Variants in NFYC observed in about 807,000 individuals in gnomAD.
NFYC encodes nuclear transcription factor Y subunit gamma, also known as CAAT box DNA-binding protein subunit C.
NFYC carries 25 observed loss-of-function variants against 53.1 expected under a neutral mutation model. That is an observed-to-expected ratio of 0.47 (90% confidence interval 0.34 to 0.66). NFYC has a LOEUF of 0.66. Among genes scored for constraint, NFYC ranks in the 30% least tolerant of loss-of-function variants. The pLI, the probability that NFYC is intolerant of heterozygous loss-of-function variation, is 0.01. For missense variants in NFYC, 260 were observed against 422.7 expected, an observed-to-expected ratio of 0.62 and a Z score of 3.38; for synonymous variants, 145 against 152.6, an observed-to-expected ratio of 0.95 and a Z score of 0.37.
At position 40,756,826 on chromosome 1, in the gene NFYC, C is replaced by T. The variant is rs181351483; in HGVS notation, c.388-1295C>T. Among the ~76,000 whole-genome samples the T allele has an allele frequency of 1.4e-4, 21 of 152,310 alleles. No homozygotes were observed. The East Asian group carries it at 2.5e-3, about 18-fold the overall frequency. ...CACTTACTGAGTGCCTACCTGGGAA[C>T]GCGGGGGATAGCAGAGAGCAAGAGA... On this transcript the variant is annotated intron_variant, in intron 5 of 9. Coordinates refer to ENST00000447388, the MANE Select transcript of NFYC (RefSeq NM_014223.5).
chr1:40,770,250 GT>G lies in NFYC; in HGVS notation c.889-456del, dbSNP rs1647020875. ...ATGGAGAAAATTCAAATTCAGTTTA[GT>G]TTCAACCTGAGCCAGATATTCTGAG... is the stretch of plus-strand genomic sequence containing the variant. On this transcript the variant is annotated intron_variant, in intron 9 of 9. Transcript: ENST00000447388. The surrounding 1 kb of genome is among the most constrained non-coding windows in gnomAD (Gnocchi z 5.3). The G allele has an allele frequency of 1.2e-6, 1 of 820,682 alleles. No homozygotes were observed. Among genetic ancestry groups the G allele is most frequent in the African/African-American group, 1.7e-5 (1 of 57,986 alleles). 50.8% of individuals were successfully genotyped at this position (820,682 alleles called of 1,614,324 possible).
chr1:40,708,463 C>G (rs1252073999), intron 1 of NFYC, among the ~76,000 whole-genome samples: 1 of 152,130 alleles, frequency 6.6e-6, no homozygotes, highest in Non-Finnish European at 1.5e-5. Flanking sequence ...CCCATGGATA[C>G]CAGGGGATGA....
intron 5 of NFYC, among the ~76,000 whole-genome samples, chr1:40,753,605 A>G (rs985854867): frequency 1.3e-5 from 2 of 152,178 alleles, no homozygotes; most frequent in Admixed American, 6.5e-5. Flanking sequence ...CAGCTTCTCT[A>G]TGTGCACAGT....
chr1:40,716,705 G>A (rs953271806), intron 1 of NFYC, among the ~76,000 whole-genome samples: 1 of 152,070 alleles, frequency 6.6e-6, no homozygotes, highest in African/African-American at 2.4e-5. Flanking sequence ...AGAATTGTAC[G>A]TGGCACACAG....
chr1:40,764,009 C>T (rs1191863539), intron 7 of NFYC, among the ~76,000 whole-genome samples: 1 of 152,226 alleles, frequency 6.6e-6, no homozygotes, highest in Non-Finnish European at 1.5e-5. Flanking sequence ...TATAACTTAT[C>T]TATTCCTTTA....
chr1:40,769,352 A>G lies in NFYC; in HGVS notation c.829-4A>G. The G allele has an allele frequency of 1.2e-6, 2 of 1,613,948 alleles. No homozygotes were observed. The highest frequency in any genetic ancestry group is 1.7e-6 in the Non-Finnish European group (2 of 1,179,930). ...TACCAACTCTACCATCTTGATTCTT[A>G]CAGATTACACAGACAGAGGTCCAGC... is the stretch of plus-strand genomic sequence containing the variant. On this transcript the variant is annotated splice_region_variant and splice_polypyrimidine_tract_variant and intron_variant, in intron 8 of 9. Coordinates refer to ENST00000447388, the MANE Select transcript of NFYC (RefSeq NM_014223.5).
chr1:40,766,121 T>TGGGGC (rs1646799716), intron 7 of NFYC: 1 of 155,408 alleles, frequency 6.4e-6, no homozygotes, highest in Non-Finnish European at 1.4e-5. Context: ...ATGTGCAGCA[T>TGGGGC]GGGGCAGGGC....
At chr1:40,692,954 T>C (rs571660170) in intron 1 of NFYC, among the ~76,000 whole-genome samples, 1 of 152,354 alleles carries the variant, frequency 6.6e-6, no homozygotes, top group African/African-American at 2.4e-5. Context: ...CTAGGAAGGA[T>C]ACAGGTCATG....
chr1:40,719,105 G>A (rs779047790), intron 1 of NFYC, among the ~76,000 whole-genome samples: 4 of 152,148 alleles, frequency 2.6e-5, no homozygotes, highest in Non-Finnish European at 4.4e-5. Flanking sequence ...TTATGACCTC[G>A]TGATCTGCCC....
At chr1:40,723,118 A>T (rs1235565690) in intron 1 of NFYC, 2 of 152,222 alleles carry the variant, frequency 1.3e-5, no homozygotes, top group Non-Finnish European at 2.9e-5. Context: ...ATTGAGGATG[A>T]TGTATGTGGC....
At chr1:40,708,084 A>G (rs1306163156) in intron 1 of NFYC, among the ~76,000 whole-genome samples, 1 of 152,184 alleles carries the variant, frequency 6.6e-6, no homozygotes, top group Non-Finnish European at 1.5e-5. Flanking sequence ...TCCCTAAACA[A>G]TACAGTATAA....
intron 1 of NFYC, among the ~76,000 whole-genome samples, chr1:40,698,740 T>G (rs994349799): frequency 6.6e-6 from 1 of 152,120 alleles, no homozygotes; most frequent in Admixed American, 6.6e-5. Context: ...ATCCTTTGCC[T>G]CCCGGGTTCA....
At chr1:40,737,635 T>G (rs963907312) in intron 1 of NFYC, among the ~76,000 whole-genome samples, 26 of 151,918 alleles carry the variant, frequency 1.7e-4, no homozygotes, top group African/African-American at 6.3e-4. Context: ...GGCCTCTCCT[T>G]CGTTTTTTTA....
At chr1:40,713,805 A>G (rs993725851) in intron 1 of NFYC, among the ~76,000 whole-genome samples, 1 of 151,834 alleles carries the variant, frequency 6.6e-6, no homozygotes, top group Non-Finnish European at 1.5e-5. Flanking sequence ...TTTATTTTTC[A>G]TGTTTCTTTT....
chr1:40,759,704 T>C (rs1646440152), intron 6 of NFYC, among the ~76,000 whole-genome samples: 1 of 152,014 alleles, frequency 6.6e-6, no homozygotes, highest in African/African-American at 2.4e-5. Flanking sequence ...GGGAATAATA[T>C]GAGTCTTGGG....
intron 4 of NFYC, among the ~76,000 whole-genome samples, chr1:40,750,414 A>T (rs1645848502): frequency 6.6e-6 from 1 of 152,182 alleles, no homozygotes; most frequent in African/African-American, 2.4e-5. Context: ...TTATTCATTT[A>T]TTCTAAAAAT....
At chr1:40,755,256 C>T (rs1646147994) in intron 5 of NFYC, among the ~76,000 whole-genome samples, 1 of 152,202 alleles carries the variant, frequency 6.6e-6, no homozygotes, top group East Asian at 1.9e-4. Context: ...TCGTCAGTCT[C>T]AGCTTCTGGA....
Position 40,707,864 on chromosome 1 carries a change from AAAG to A in NFYC, c.-9+16000_-9+16002del, listed in dbSNP as rs1203796807. Among the ~76,000 whole-genome samples the A allele has an allele frequency of 4.6e-5, 7 of 151,786 alleles. No homozygotes were observed. The South Asian group carries it at 1.2e-3, about 27-fold the overall frequency. Reference sequence around the variant, plus strand: ...GACCCTATCTCAAAAAAAAAAAAAAAAAGAATGAAAGAAATAACGAATTTATCC... The same window carrying A: ...GACCCTATCTCAAAAAAAAAAAAAAAAATGAAAGAAATAACGAATTTATCC... On this transcript the variant is annotated intron_variant, in intron 1 of 9. Transcript: ENST00000447388.
At chr1:40,731,215 C>T (rs963602706) in intron 1 of NFYC, among the ~76,000 whole-genome samples, 1 of 151,934 alleles carries the variant, frequency 6.6e-6, no homozygotes, top group African/African-American at 2.4e-5. Context: ...CTTGCTGTAT[C>T]CCAGTATGGA....
Sources: gnomAD v4.1 joint callset for allele counts (sites outside exome capture counted in the v4.1 genomes callset) on GRCh38, gnomAD v4.1.1 for gene constraint, Gnocchi (gnomAD v3.1) non-coding constraint, MANE v1.5 for transcripts, NCBI Gene and HGNC (gene_info 2026-07-23, HGNC 2026-07-21) for gene names.